The following QTMAN variants were observed in gnomAD, a reference collection of about 807,000 sequenced individuals.
QTMAN encodes the protein queuosine-tRNA mannosyltransferase.
At chr2:144,127,137 C>T in the QTMAN span, among the ~76,000 whole-genome samples, 1 of 151,930 alleles carries the variant, frequency 6.6e-6, no homozygotes, top group African/African-American at 2.4e-5. Context: ...GAAATACTTA[C>T]AAGCATGAAG....
At chr2:144,204,871 T>C in the QTMAN span, among the ~76,000 whole-genome samples, 1 of 151,830 alleles carries the variant, frequency 6.6e-6, no homozygotes, top group Non-Finnish European at 1.5e-5. Flanking sequence ...GAAACCATCA[T>C]TCTCAGCAAA....
At chr2:143,973,036 T>C in the QTMAN span, among the ~76,000 whole-genome samples, 1 of 152,200 alleles carries the variant, frequency 6.6e-6, no homozygotes, top group Non-Finnish European at 1.5e-5. Context: ...CAATTCTAAG[T>C]GCTGGATGTT....
chr2:144,007,073 T>C, the QTMAN span: 4 of 684,634 alleles, frequency 5.8e-6, no homozygotes, highest in Non-Finnish European at 9.6e-6. Context: ...CACATTAAAA[T>C]AATCTTTTTC....
the QTMAN span, among the ~76,000 whole-genome samples, chr2:144,243,961 C>A: frequency 6.6e-6 from 1 of 152,118 alleles, no homozygotes; most frequent in Non-Finnish European, 1.5e-5. Context: ...GATTTACTGG[C>A]GCTATACCTG....
chr2:144,109,484 G>C, the QTMAN span, among the ~76,000 whole-genome samples: 1 of 152,126 alleles, frequency 6.6e-6, no homozygotes. Flanking sequence ...ACATAGGCAT[G>C]GGCAAGGACT....
At chr2:143,943,311 C>G in the QTMAN span, 28 of 152,224 alleles carry the variant, frequency 1.8e-4, no homozygotes, top group Non-Finnish European at 3.7e-4. Flanking sequence ...GAAACATGTT[C>G]AAGTCAGTGG....
chr2:144,188,360 T>C, the QTMAN span, among the ~76,000 whole-genome samples: 2 of 152,212 alleles, frequency 1.3e-5, no homozygotes, highest in Admixed American at 1.3e-4. Context: ...CTTAACCATC[T>C]ACCACTAATT....
At chr2:144,243,358 A>G in the QTMAN span, among the ~76,000 whole-genome samples, 1 of 152,188 alleles carries the variant, frequency 6.6e-6, no homozygotes, top group Non-Finnish European at 1.5e-5. Flanking sequence ...ATCTCCAAGA[A>G]CCAATTTAAG....
chr2:144,096,924 G>A, the QTMAN span, among the ~76,000 whole-genome samples: 5 of 152,216 alleles, frequency 3.3e-5, no homozygotes, highest in Admixed American at 1.3e-4. Flanking sequence ...GCAGAGAATA[G>A]TAAGTTTCTT....
At chr2:144,014,972 A>T in the QTMAN span, among the ~76,000 whole-genome samples, 1 of 152,186 alleles carries the variant, frequency 6.6e-6, no homozygotes, top group Non-Finnish European at 1.5e-5. Context: ...ATTATGCCTA[A>T]ATTCCCCATT....
At chr2:144,214,558 T>C in the QTMAN span, among the ~76,000 whole-genome samples, 3 of 152,198 alleles carry the variant, frequency 2.0e-5, no homozygotes, top group African/African-American at 7.2e-5. Flanking sequence ...TATGTTGTAG[T>C]TGTGTACTAC....
the QTMAN span, among the ~76,000 whole-genome samples, chr2:143,992,337 C>A: frequency 4.1e-5 from 6 of 147,730 alleles, no homozygotes; most frequent in African/African-American, 1.3e-4. Flanking sequence ...TTGAAGGCAG[C>A]ATGCTCGTTA....
At chr2:144,308,168 T>G in the QTMAN span, among the ~76,000 whole-genome samples, 5 of 146,338 alleles carry the variant, frequency 3.4e-5, no homozygotes, top group African/African-American at 1.0e-4. Flanking sequence ...GGTTGTTTTT[T>G]TTTTTTTTTT....
At chr2:144,090,430 T>C in the QTMAN span, among the ~76,000 whole-genome samples, 1 of 152,088 alleles carries the variant, frequency 6.6e-6, no homozygotes, top group Admixed American at 6.5e-5. Flanking sequence ...AAACTATTTC[T>C]ATTTTGGCAT....
the QTMAN span, among the ~76,000 whole-genome samples, chr2:144,182,811 A>T: frequency 3.2e-5 from 2 of 61,988 alleles, no homozygotes; most frequent in African/African-American, 1.7e-4. Context: ...TATATATAAT[A>T]TATATATTAT....
the QTMAN span, among the ~76,000 whole-genome samples, chr2:144,192,718 T>A: frequency 6.6e-6 from 1 of 152,248 alleles, no homozygotes; most frequent in Non-Finnish European, 1.5e-5. Flanking sequence ...TTCAAAGATA[T>A]GTTCAAGCTA....
At chr2:144,191,220 T>C in the QTMAN span, among the ~76,000 whole-genome samples, 1 of 152,174 alleles carries the variant, frequency 6.6e-6, no homozygotes, top group Non-Finnish European at 1.5e-5. Flanking sequence ...TTTTGCTGCT[T>C]GAAAAAGAAT....
At chr2:144,050,506 T>C in the QTMAN span, among the ~76,000 whole-genome samples, 1 of 152,082 alleles carries the variant, frequency 6.6e-6, no homozygotes, top group Non-Finnish European at 1.5e-5. Context: ...TGAGAGGAGT[T>C]GCTTTTATGA....
chr2:144,248,732 A>C, the QTMAN span, among the ~76,000 whole-genome samples: 107 of 151,830 alleles, frequency 7.0e-4, no homozygotes, highest in African/African-American at 1.8e-3. Context: ...AATCTGAGTA[A>C]AGTCTTTTTT....
Sources: gnomAD v4.1 joint callset for allele counts (sites outside exome capture counted in the v4.1 genomes callset) on GRCh38, gnomAD v4.1.1 for gene constraint, MANE v1.5 for transcripts, NCBI Gene and HGNC (gene_info 2026-07-23, HGNC 2026-07-21) for gene names.